The following STARD10 variants were observed in gnomAD, a reference collection of about 807,000 sequenced individuals.
STARD10 encodes the protein START domain-containing protein 10.
In STARD10, 24 loss-of-function variants were observed where a neutral mutation model predicts 36.0. The observed-to-expected ratio is 0.67, with a 90% CI of 0.48 to 0.94. The LOEUF is 0.94. Among genes scored for constraint, STARD10 ranks in the 40% least tolerant of loss-of-function variants. The pLI, the probability that STARD10 is intolerant of heterozygous loss-of-function variation, is 0.00. For missense variants in STARD10, 335 were observed against 396.6 expected (o/e 0.84, Z 1.32); for synonymous variants, 156 against 161.9 (o/e 0.96, Z 0.28).
chr11:72,778,632 G>T (rs1264752061), intron 2 of STARD10, among the ~76,000 whole-genome samples: 1 of 152,182 alleles, frequency 6.6e-6, no homozygotes, highest in Non-Finnish European at 1.5e-5. Flanking sequence ...AGGGAGCAAA[G>T]CTGGGGAGGC....
chr11:72,778,967 G>T (rs1353343684), intron 2 of STARD10, among the ~76,000 whole-genome samples: 1 of 152,236 alleles, frequency 6.6e-6, no homozygotes, highest in Admixed American at 6.5e-5. Context: ...TGACAAGTCT[G>T]ATCTGGCCAC....
At chr11:72,762,022 T>A (rs1313561605) in intron 2 of STARD10, among the ~76,000 whole-genome samples, 1 of 143,728 alleles carries the variant, frequency 7.0e-6, no homozygotes, top group African/African-American at 2.6e-5. Flanking sequence ...GCCTCCCGGG[T>A]TCAAGTGATT....
intron 2 of STARD10, among the ~76,000 whole-genome samples, chr11:72,779,499 A>T (rs1239226408): frequency 6.6e-6 from 1 of 152,136 alleles, no homozygotes. Flanking sequence ...GAGGCAGGAG[A>T]ATCACTTGAA....
At chr11:72,784,862 A>C (rs966308258) in intron 1 of STARD10, among the ~76,000 whole-genome samples, 2 of 152,200 alleles carry the variant, frequency 1.3e-5, no homozygotes, top group Non-Finnish European at 2.9e-5. Flanking sequence ...CGGCGTGGGA[A>C]TGTGAGGCAT....
rs543469024 is a variant in STARD10 at position 72,762,315 on chromosome 11, A to G, written c.208-2934T>C. Among the ~76,000 whole-genome samples, 8 of 152,276 alleles carry G rather than the reference A, an allele frequency of 5.3e-5. No homozygotes were observed. In the South Asian group the frequency reaches 1.7e-3, roughly 32 times the overall value. On this transcript the variant is annotated intron_variant, in intron 2 of 6. Coordinates refer to ENST00000334805, the MANE Select transcript of STARD10 (RefSeq NM_006645.3). ...GGAAAGGTCCCCCAGCAATACTGACAGGTGCACCCACCATGTGCCAGGTAT... is the reference window on the plus strand; with the variant it reads ...GGAAAGGTCCCCCAGCAATACTGACGGGTGCACCCACCATGTGCCAGGTAT...
chr11:72,761,529 G>A (rs1452011732), intron 2 of STARD10, among the ~76,000 whole-genome samples: 1 of 152,138 alleles, frequency 6.6e-6, no homozygotes, highest in Non-Finnish European at 1.5e-5. Flanking sequence ...GGCTGAGACG[G>A]GCAGATCACT....
Position 72,788,600 on chromosome 11 carries a change from ACT to A in STARD10, c.-114+4273_-114+4274del, listed in dbSNP as rs530825965. Among the ~76,000 whole-genome samples the A allele has an allele frequency of 5.7e-3, 827 of 145,888 alleles. 3 individuals carry two copies. The highest frequency in any genetic ancestry group is 0.016 in the South Asian group (76 of 4,668). ...TTTTTTTTTTTTTAGATGGCGTCTC[ACT>A]CTGTTGCCCAGGCTGGAGTGCAGTA... is the stretch of plus-strand genomic sequence containing the variant. On this transcript the variant is annotated intron_variant, in intron 1 of 6. Transcript: ENST00000334805.
chr11:72,780,562 A>G, intron 2 of STARD10: 1 of 355,372 alleles, frequency 2.8e-6, no homozygotes, highest in South Asian at 2.1e-5. Context: ...AAGGAGACCC[A>G]GCTCAGGCTG....
chr11:72,775,559 T>C (rs1320733049), intron 2 of STARD10, among the ~76,000 whole-genome samples: 1 of 152,164 alleles, frequency 6.6e-6, no homozygotes, highest in African/African-American at 2.4e-5. Context: ...CTTGTAATCT[T>C]CATTCCCCAC....
chr11:72,782,013 A>G (rs1191551601), intron 1 of STARD10: 1 of 152,110 alleles, frequency 6.6e-6, no homozygotes, highest in Non-Finnish European at 1.5e-5. Flanking sequence ...GGACAGGGAA[A>G]GGGGTGAGGA....
chr11:72,774,393 T>TGTGACACCTGCCCC (rs1565242472), intron 2 of STARD10, among the ~76,000 whole-genome samples: 1 of 152,154 alleles, frequency 6.6e-6, no homozygotes, highest in African/African-American at 2.4e-5. Flanking sequence ...CCAGCTGCCC[T>TGTGACACCTGCCCC]GTGCCACCTG....
chr11:72,769,667 T>C (rs905750970), intron 2 of STARD10, among the ~76,000 whole-genome samples: 2 of 151,530 alleles, frequency 1.3e-5, no homozygotes, highest in African/African-American at 4.8e-5. Context: ...TCAATTCAGT[T>C]CCCAGAATCC....
chr11:72,786,336 A>G (rs1859070549), intron 1 of STARD10, among the ~76,000 whole-genome samples: 1 of 151,898 alleles, frequency 6.6e-6, no homozygotes, highest in Admixed American at 6.6e-5. Flanking sequence ...TGGGTGACAG[A>G]GCAAGACTCT....
In STARD10 at chr11:72,792,956, C is replaced by G. The variant is rs1375297301; in HGVS notation, c.-195G>C. ...CCAGATCCTCCTCAGCTTCTTGGCT[C>G]TGGTGCTCATCTCAACACAGCAGGG... On this transcript the variant is annotated 5_prime_UTR_variant, in exon 1 of 7. Transcript: ENST00000334805. The G allele has an allele frequency of 6.5e-6, 1 of 153,088 alleles. No individual in the cohort carries two copies. The highest frequency in any genetic ancestry group is 6.5e-5 in the Admixed American group (1 of 15,292). The allele number at this position is 153,088 out of a possible 1,614,324, so 9.5% of individuals were successfully genotyped here.
chr11:72,783,036 G>A (rs1337301549), intron 1 of STARD10, among the ~76,000 whole-genome samples: 1 of 152,210 alleles, frequency 6.6e-6, no homozygotes, highest in East Asian at 1.9e-4. Flanking sequence ...ATAACCCTAA[G>A]GTGCCTCCTA....
intron 5 of STARD10, among the ~76,000 whole-genome samples, chr11:72,757,111 C>G (rs1858654981): frequency 6.9e-6 from 1 of 145,620 alleles, no homozygotes; most frequent in South Asian, 2.1e-4. Flanking sequence ...CACCATTGCA[C>G]TCCAGCCTGG....
Position 72,781,692 on chromosome 11 carries a change from C to A in STARD10, c.-113-398G>T. 1 of 147,686 alleles carries A rather than the reference C, an allele frequency of 6.8e-6. No homozygotes were observed. The highest frequency in any genetic ancestry group is 2.0e-4 in the South Asian group (1 of 4,964). 9.1% of individuals were successfully genotyped at this position (147,686 alleles called of 1,614,324 possible). On this transcript the variant is annotated intron_variant, in intron 1 of 6. Transcript: ENST00000334805. This position sits in a 1 kb window ranked among gnomAD's most constrained non-coding sequence, Gnocchi z 4.7. ...TGCCCGCCGCTCCGCCGGGGCCCGC[C>A]GGGGCCGGGGTGCCAGCGCCGCCGC...
intron 2 of STARD10, among the ~76,000 whole-genome samples, chr11:72,760,088 A>C (rs1430289802): frequency 6.6e-6 from 1 of 151,590 alleles, no homozygotes; most frequent in African/African-American, 2.4e-5. Context: ...TTTTTAGTAG[A>C]GATGGGGTTT....
intron 5 of STARD10, among the ~76,000 whole-genome samples, chr11:72,756,232 C>T (rs148235301): frequency 0.014 from 2,124 of 152,318 alleles, 17 homozygotes; most frequent in Non-Finnish European, 0.023. Context: ...CCCAGCTCTC[C>T]ACCCTATCTC....
Sources: gnomAD v4.1 joint callset for allele counts (sites outside exome capture counted in the v4.1 genomes callset) on GRCh38, gnomAD v4.1.1 for gene constraint, Gnocchi (gnomAD v3.1) non-coding constraint, MANE v1.5 for transcripts, NCBI Gene and HGNC (gene_info 2026-07-23, HGNC 2026-07-21) for gene names.